The following FAM83E variants were observed in gnomAD, a reference collection of about 807,000 sequenced individuals.
FAM83E encodes the protein scaffolding CK1 anchoring protein E.
Under a neutral mutation model 34.3 loss-of-function variants are expected in FAM83E, and 29 were observed. The observed-to-expected ratio is 0.85, with a 90% confidence interval of 0.63 to 1.15. FAM83E has a LOEUF of 1.15. Among genes scored for constraint, FAM83E ranks in the 50% most tolerant of loss-of-function variants. The probability of loss-of-function intolerance (pLI) is 0.00; values close to 1 mark genes in which losing one functional copy is unlikely to be tolerated. For synonymous variants in FAM83E, 312 were observed against 311.6 expected (o/e 1.00, Z -0.01); for missense variants, 697 against 685.0 (o/e 1.02, Z -0.20).
intron 5 of FAM83E, chr19:48,607,700 G>A (rs1021911679): frequency 2.0e-5 from 5 of 247,324 alleles, no homozygotes; most frequent in African/African-American, 9.0e-5. Flanking sequence ...ATAAATGACA[G>A]CTGATGTTCA....
rs375111535 is a variant in FAM83E at position 48,613,229 on chromosome 19, G to A, written c.144C>T (p.Thr48=). The change falls in exon 3 of 7, where the codon ACC becomes ACT. Residue 48 remains threonine, a synonymous_variant. Transcript: ENST00000263266. The stretch of plus-strand genomic sequence containing the variant: ...GCCACAGCTCCTCGCGCTGCACGCA[G>A]GTCTGGAACGCCTCCGCGCCCTTGC... ...LLSKGAEAFQ[T]CVQREELWPF... 106 of 1,610,648 alleles carry A rather than the reference G, an allele frequency of 6.6e-5. No individual in the cohort carries two copies. Among genetic ancestry groups the A allele is most frequent in the Non-Finnish European group, 8.4e-5 (99 of 1,179,936 alleles).
chr19:48,609,265 C>CTTTTTTTTTT lies in FAM83E; in HGVS notation c.758+601_758+610dup, dbSNP rs869031073. The stretch of plus-strand genomic sequence containing the variant: ...GTTATTATTTGCAGTTTCTTTCTTT[C>CTTTTTTTTTT]TTTTTTTTTTTTTTTTTTTTTTGCT... On this transcript the variant is annotated intron_variant, in intron 5 of 6. Coordinates refer to ENST00000263266, the MANE Select transcript of FAM83E (RefSeq NM_017708.4). Among the ~76,000 whole-genome samples the CTTTTTTTTTT allele has an allele frequency of 9.4e-3, 942 of 99,740 alleles. 1 individual carries two copies. Among genetic ancestry groups the CTTTTTTTTTT allele is most frequent in the Middle Eastern group, 0.025 (3 of 120 alleles). 65.4% of individuals were successfully genotyped at this position (99,740 alleles called of 152,430 possible). A position where few individuals can be genotyped will look rare whatever the true frequency, so the allele number is the denominator to read the frequency against.
At chr19:48,612,887 C>G (rs1355702513) in intron 3 of FAM83E, 21 bp downstream of exon 3, 8 of 1,509,818 alleles carry the variant, frequency 5.3e-6, no homozygotes, top group Non-Finnish European at 7.1e-6. Context: ...TGAATGGACA[C>G]AGGGCCCCCG....
intron 3 of FAM83E, among the ~76,000 whole-genome samples, chr19:48,611,073 C>T (rs1227317282): frequency 1.3e-5 from 2 of 152,136 alleles, no homozygotes; most frequent in African/African-American, 2.4e-5. Flanking sequence ...GATCCCCAGC[C>T]CCTCCTCGAG....
chr19:48,612,892 C>T lies in FAM83E; in HGVS notation c.465+16G>A, dbSNP rs1402484321. ...CCCAGTCTGGTGAATGGACACAGGG[C>T]CCCCGCGACACCCACCTTGTGGGCA... is the stretch of plus-strand genomic sequence containing the variant. On this transcript the variant is annotated intron_variant, in intron 3 of 6. Transcript: ENST00000263266. The T allele has an allele frequency of 1.3e-6, 2 of 1,514,072 alleles. No homozygotes were observed. The highest frequency in any genetic ancestry group is 1.8e-6 in the Non-Finnish European group (2 of 1,124,446). 93.8% of individuals were successfully genotyped at this position (1,514,072 alleles called of 1,614,324 possible).
rs761326257 is a variant in FAM83E at position 48,601,160 on chromosome 19, G to A, written c.1386C>T (p.Gly462=). 3.3e-5 allele frequency: 54 copies of A among 1,613,064 alleles called. No homozygotes were observed. Among genetic ancestry groups the A allele is most frequent in the Middle Eastern group, 1.6e-4 (1 of 6,082 alleles). Residue 462 remains glycine (G), a synonymous_variant, in exon 7 of 7, where the codon GGC becomes GGT. Coordinates refer to ENST00000263266, the MANE Select transcript of FAM83E (RefSeq NM_017708.4). ...DATFKLQEPR[G]VRPSDWAPRA... ...GGGGGGCCCAGTCTGACGGCCTGAC[G>A]CCTCTGGGCTCTTGAAGTTTGAATG...
In FAM83E at chr19:48,606,638, C is replaced by A. The variant is rs376593489; in HGVS notation, c.759-2727G>T. On this transcript the variant is annotated intron_variant, in intron 5 of 6. Coordinates refer to ENST00000263266, the MANE Select transcript of FAM83E (RefSeq NM_017708.4). ...AGAGCCCTCTTGCGCCCCGGCAGGTCGGCGGGGCAGGCCACCCCTTGGATT... is the reference window on the plus strand; with the variant it reads ...AGAGCCCTCTTGCGCCCCGGCAGGTAGGCGGGGCAGGCCACCCCTTGGATT... 72 of 292,880 alleles carry A rather than the reference C, an allele frequency of 2.5e-4. 1 individual carries two copies. The South Asian group carries it at 4.5e-3, about 18-fold the overall frequency. 18.1% of individuals were successfully genotyped at this position (292,880 alleles called of 1,614,324 possible).
chr19:48,609,793 G>A, intron 5 of FAM83E, 83 bp downstream of exon 5: 1 of 1,450,944 alleles, frequency 6.9e-7, no homozygotes, highest in Non-Finnish European at 9.6e-7. Context: ...CCTGGGCAAG[G>A]GGATGCCAGC....
chr19:48,612,794 A>G (rs1974067288), intron 3 of FAM83E, 114 bp downstream of exon 3: 2 of 1,226,764 alleles, frequency 1.6e-6, no homozygotes, highest in East Asian at 5.2e-5. Flanking sequence ...TCCCAGGGGT[A>G]TAGGTCCTTT....
At chr19:48,612,644 C>T (rs192457324) in intron 3 of FAM83E, among the ~76,000 whole-genome samples, 4 of 140,940 alleles carry the variant, frequency 2.8e-5, no homozygotes, top group African/African-American at 5.3e-5. Context: ...CCTCGTGATC[C>T]GTCCACCTCG....
Position 48,600,486 on chromosome 19 carries a change from C to T in FAM83E, c.*623G>A, listed in dbSNP as rs1446565069. On this transcript the variant is annotated 3_prime_UTR_variant, in exon 7 of 7. Transcript: ENST00000263266. ...AAGTAGCTGGGATTACAGGCGCCCG[C>T]CACCACACCTGGCTAATTTTTGTAT... 6.6e-6 allele frequency among the ~76,000 whole-genome samples: 1 copy of T among 152,142 alleles called. No homozygotes were observed. The highest frequency in any genetic ancestry group is 2.4e-5 in the African/African-American group (1 of 41,440).
chr19:48,602,905 G>A (rs1326542366), intron 6 of FAM83E, among the ~76,000 whole-genome samples: 1 of 147,558 alleles, frequency 6.8e-6, no homozygotes, highest in Non-Finnish European at 1.5e-5. Context: ...AGGCTAGAGT[G>A]CAGTGGAACG....
intron 5 of FAM83E, chr19:48,607,113 G>A (rs367756302): frequency 6.8e-6 from 11 of 1,613,044 alleles, no homozygotes; most frequent in Non-Finnish European, 9.3e-6. Context: ...GCGATGACGA[G>A]GACTGCTTCA....
chr19:48,607,379 C>T (rs1369147563), intron 5 of FAM83E: 1 of 1,551,554 alleles, frequency 6.4e-7, no homozygotes, highest in African/African-American at 1.4e-5. Context: ...GGGCCTGGGA[C>T]TGTTCTCCCA....
chr19:48,608,255 A>G (rs941013933), intron 5 of FAM83E, among the ~76,000 whole-genome samples: 1 of 151,124 alleles, frequency 6.6e-6, no homozygotes, highest in Non-Finnish European at 1.5e-5. Context: ...GACTAGAAGC[A>G]TGCTCCATCA....
At chr19:48,606,824 A>C in intron 5 of FAM83E, 1 of 898,682 alleles carries the variant, frequency 1.1e-6, no homozygotes. Context: ...GGCGTTGGGA[A>C]CAGAGGACAC....
rs928020182 is a variant in FAM83E at position 48,613,204 on chromosome 19, G to A, written c.169C>T (p.Pro57Ser). Residue 57 changes from proline to serine, a missense_variant, in exon 3 of 7, where the codon CCC becomes TCC. Coordinates refer to ENST00000263266, the MANE Select transcript of FAM83E (RefSeq NM_017708.4). ...QTCVQREELW[P>S]FLSADEVQGL... is the part of the protein sequence containing the mutation. ...TGAACCTCATCCGCACTGAGGAAGG[G>A]CCACAGCTCCTCGCGCTGCACGCAG... 46 of 1,611,428 alleles carry A rather than the reference G, an allele frequency of 2.9e-5. No homozygotes were observed. The highest frequency in any genetic ancestry group is 3.9e-5 in the Non-Finnish European group (46 of 1,179,910).
At position 48,614,377 on chromosome 19, in the gene FAM83E, G is replaced by C; in HGVS notation, c.-1005C>G. 3.0e-6 allele frequency: 3 copies of C among 985,228 alleles called. No individual in the cohort carries two copies. Among genetic ancestry groups the C allele is most frequent in the Non-Finnish European group, 3.6e-6 (3 of 829,944 alleles). 61.0% of individuals were successfully genotyped at this position (985,228 alleles called of 1,614,324 possible). A position where few individuals can be genotyped will look rare whatever the true frequency, so the allele number is the denominator to read the frequency against. ...GTTCCAGGCCGTCCTCTGATCTGCG[G>C]GGAGCCCTACCCAAGCTGCCCCCAG... On this transcript the variant is annotated 5_prime_UTR_variant, in exon 3 of 7. Transcript: ENST00000263266.
At chr19:48,607,062 C>T in intron 5 of FAM83E, 2 of 1,613,078 alleles carry the variant, frequency 1.2e-6, no homozygotes, top group Non-Finnish European at 1.7e-6. Flanking sequence ...TCTGTGAGCT[C>T]ACCGACTCCA....
Sources: gnomAD v4.1 joint callset for allele counts (sites outside exome capture counted in the v4.1 genomes callset) on GRCh38, gnomAD v4.1.1 for gene constraint, MANE v1.5 for transcripts, NCBI Gene and HGNC (gene_info 2026-07-23, HGNC 2026-07-21) for gene names.